DPYD: variants seen among roughly 807,000 people sequenced by gnomAD.
The protein encoded by DPYD is dihydropyrimidine dehydrogenase.
In DPYD, 109 loss-of-function variants were observed where a neutral mutation model predicts 116.2. The ratio of observed to expected loss-of-function variants is 0.94; its 90% confidence interval spans 0.80 to 1.10. The LOEUF is 1.10. DPYD is among the 50% of genes least tolerant of loss of function. The probability of loss-of-function intolerance (pLI) is 0.00; values close to 1 mark genes in which losing one functional copy is unlikely to be tolerated. For missense variants in DPYD, 1,302 were observed against 1,254.5 expected (o/e 1.04, Z -0.57); for synonymous variants, 440 against 432.0 (o/e 1.02, Z -0.23).
chr1:97,572,803 T>A (rs1218858876), intron 11 of DPYD, among the ~76,000 whole-genome samples: 1 of 152,022 alleles, frequency 6.6e-6, no homozygotes, highest in Non-Finnish European at 1.5e-5. Flanking sequence ...GCCCTGCAGA[T>A]AAAATATCTG....
At chr1:97,550,969 G>T (rs1016358592) in intron 11 of DPYD, among the ~76,000 whole-genome samples, 2 of 152,082 alleles carry the variant, frequency 1.3e-5, no homozygotes, top group African/African-American at 4.8e-5. Flanking sequence ...ATTATTGAGG[G>T]TTTACTGTTG....
chr1:97,197,316 C>T (rs1199834014), intron 19 of DPYD, among the ~76,000 whole-genome samples: 4 of 152,082 alleles, frequency 2.6e-5, no homozygotes, highest in Admixed American at 6.5e-5. Context: ...TCAACTGATG[C>T]TTTACTTAAT....
intron 18 of DPYD, among the ~76,000 whole-genome samples, chr1:97,268,748 G>A (rs1356191265): frequency 6.6e-6 from 1 of 152,092 alleles, no homozygotes; most frequent in Non-Finnish European, 1.5e-5. Flanking sequence ...TAGAAACCCT[G>A]CCTTCAATGT....
At chr1:97,537,314 A>G (rs1650079763) in intron 12 of DPYD, among the ~76,000 whole-genome samples, 1 of 152,190 alleles carries the variant, frequency 6.6e-6, no homozygotes, top group African/African-American at 2.4e-5. Context: ...AGCATTGTGG[A>G]TTCATTTCAA....
At chr1:97,209,184 T>A (rs1029426722) in intron 19 of DPYD, among the ~76,000 whole-genome samples, 1 of 152,140 alleles carries the variant, frequency 6.6e-6, no homozygotes, top group Non-Finnish European at 1.5e-5. Context: ...TAAATCAATA[T>A]ACTACAGGTT....
intron 2 of DPYD, chr1:97,854,894 G>A (rs989126718): frequency 6.6e-6 from 1 of 152,310 alleles, no homozygotes; most frequent in African/African-American, 2.4e-5. Flanking sequence ...GCCAAGCCTA[G>A]GAGATGCAAA....
chr1:97,642,994 C>T (rs926088591), intron 8 of DPYD, among the ~76,000 whole-genome samples: 1 of 151,790 alleles, frequency 6.6e-6, no homozygotes, highest in Non-Finnish European at 1.5e-5. Flanking sequence ...TAGAAGAAAA[C>T]CTAGGCAATA....
chr1:97,257,661 T>A (rs931543682), intron 18 of DPYD, among the ~76,000 whole-genome samples: 1 of 151,918 alleles, frequency 6.6e-6, no homozygotes, highest in Non-Finnish European at 1.5e-5. Flanking sequence ...TTTGAAAAAA[T>A]TCTAAATTTA....
At chr1:97,550,558 A>G (rs1460616555) in intron 11 of DPYD, among the ~76,000 whole-genome samples, 3 of 152,188 alleles carry the variant, frequency 2.0e-5, no homozygotes, top group Admixed American at 1.3e-4. Context: ...AGGGTTGAGT[A>G]AGAGAAGAAA....
chr1:97,743,104 T>C (rs1664357847), intron 3 of DPYD, among the ~76,000 whole-genome samples: 1 of 152,276 alleles, frequency 6.6e-6, no homozygotes, highest in South Asian at 2.1e-4. Flanking sequence ...TTAACAGTAT[T>C]GACAATGTAA....
chr1:97,171,085 T>A (rs1033283485), intron 20 of DPYD, among the ~76,000 whole-genome samples: 1 of 152,080 alleles, frequency 6.6e-6, no homozygotes, highest in Admixed American at 6.6e-5. Context: ...ATAACCCAAG[T>A]TGGATTTGTT....
chr1:97,811,275 G>C (rs760546577), intron 3 of DPYD, among the ~76,000 whole-genome samples: 1 of 151,950 alleles, frequency 6.6e-6, no homozygotes, highest in Non-Finnish European at 1.5e-5. Context: ...CTGCCTGCCC[G>C]TTATCCAATT....
Position 97,721,453 on chromosome 1 carries a change from A to G in DPYD, c.483+57T>C, listed in dbSNP as rs571309995. 4 of 1,597,008 alleles carry G rather than the reference A, an allele frequency of 2.5e-6. No homozygotes were observed. The African/African-American group carries it at 5.4e-5, about 21-fold the overall frequency. ...GAGCACCAAGGATTAAAGTTATTTT[A>G]AGATATTTGTGCATGGTGATGGTAG... On this transcript the variant is annotated intron_variant, in intron 5 of 22. Coordinates refer to ENST00000370192, the MANE Select transcript of DPYD (RefSeq NM_000110.4).
At chr1:97,122,781 A>G (rs900062647) in intron 20 of DPYD, among the ~76,000 whole-genome samples, 5 of 152,176 alleles carry the variant, frequency 3.3e-5, no homozygotes, top group African/African-American at 9.6e-5. Context: ...AGTTAAAAAA[A>G]GAAACTCTTC....
intron 3 of DPYD, among the ~76,000 whole-genome samples, chr1:97,772,011 C>A (rs935520259): frequency 6.6e-6 from 1 of 152,022 alleles, no homozygotes; most frequent in Admixed American, 6.6e-5. Context: ...TATTAATATT[C>A]TTTCTTGTAT....
At chr1:97,338,228 T>A (rs192722793) in intron 16 of DPYD, among the ~76,000 whole-genome samples, 3 of 152,258 alleles carry the variant, frequency 2.0e-5, no homozygotes, top group Non-Finnish European at 2.9e-5. Context: ...ATAAAAAAAA[T>A]TGTATACGGT....
In DPYD at chr1:97,148,732, C is replaced by T. The variant is rs558819123; in HGVS notation, c.2622+44337G>A. Among the ~76,000 whole-genome samples, 197 of 152,180 alleles carry T rather than the reference C, an allele frequency of 1.3e-3. 1 individual carries two copies. The highest frequency in any genetic ancestry group is 4.3e-3 in the African/African-American group (180 of 41,534). On this transcript the variant is annotated intron_variant, in intron 20 of 22. Coordinates refer to ENST00000370192, the MANE Select transcript of DPYD (RefSeq NM_000110.4). ...AATGTCATCCCACATTCTGGTGTCA[C>T]GACAAACATCTTTGAACTCCTGTGA...
intron 20 of DPYD, among the ~76,000 whole-genome samples, chr1:97,138,722 G>T (rs1653987515): frequency 6.6e-6 from 1 of 152,164 alleles, no homozygotes; most frequent in Non-Finnish European, 1.5e-5. Flanking sequence ...TAAGAGAGAA[G>T]AATTCATGTT....
rs1442074186 is a variant in DPYD, at chr1:97,920,944, T to A, written c.-22A>T. 3 of 1,576,280 alleles carry A rather than the reference T, an allele frequency of 1.9e-6. No homozygotes were observed. Among genetic ancestry groups the A allele is most frequent in the Non-Finnish European group, 2.6e-6 (3 of 1,161,562 alleles). ...CCATGGCAGTGCCTACAGTCTCGAG[T>A]CTGCCAGTGACAAACCCTCCTTGCG... is the stretch of plus-strand genomic sequence containing the variant. On this transcript the variant is annotated 5_prime_UTR_variant, in exon 1 of 23. Coordinates refer to ENST00000370192, the MANE Select transcript of DPYD (RefSeq NM_000110.4).
Sources: allele counts gnomAD v4.1 joint callset (sites outside exome capture counted in the v4.1 genomes callset), GRCh38; gene constraint gnomAD v4.1.1; transcripts MANE v1.5; gene names NCBI Gene and HGNC (gene_info 2026-07-23, HGNC 2026-07-21).